Variants in CNNM4 observed in about 807,000 individuals in gnomAD.
CNNM4 encodes cyclin and CBS domain divalent metal cation transport mediator 4.
In CNNM4, 32 loss-of-function variants were observed where a neutral mutation model predicts 53.7. The observed-to-expected ratio is 0.60, with a 90% CI of 0.45 to 0.80. The LOEUF is 0.80. Among genes scored for constraint, CNNM4 ranks in the 30% least tolerant of loss-of-function variants. CNNM4 has a pLI of 0.00. For missense variants in CNNM4, 784 were observed against 1,022.0 expected (o/e 0.77, Z 3.17); for synonymous variants, 410 against 440.0 (o/e 0.93, Z 0.85).
chr2:96,789,683 TTTTA>T (rs1374506021), intron 1 of CNNM4, among the ~76,000 whole-genome samples: 3 of 151,992 alleles, frequency 2.0e-5, no homozygotes, highest in African/African-American at 7.2e-5. Context: ...TAGAATTTTA[TTTTA>T]TTTTATTAGT....
chr2:96,782,372 A>G (rs2078982226), intron 1 of CNNM4, among the ~76,000 whole-genome samples: 1 of 150,640 alleles, frequency 6.6e-6, no homozygotes, highest in Non-Finnish European at 1.5e-5. Flanking sequence ...AGATTGCACC[A>G]TTGCACTCTA....
chr2:96,785,658 G>C lies in CNNM4; in HGVS notation c.1403-11354G>C. Among the ~76,000 whole-genome samples the C allele has an allele frequency of 1.3e-5, 2 of 151,296 alleles. 1 individual carries two copies. Among genetic ancestry groups the C allele is most frequent in the Middle Eastern group, 6.4e-3 (2 of 312 alleles). ...CAAAAAAGAAAACATAAAAAAATTA[G>C]CTGGGCGTGGTAGCATGTGCCGGTA... On this transcript the variant is annotated intron_variant, in intron 1 of 6. Transcript: ENST00000377075.
intron 1 of CNNM4, among the ~76,000 whole-genome samples, chr2:96,782,247 A>G (rs1252187448): frequency 6.6e-6 from 1 of 151,998 alleles, no homozygotes; most frequent in Non-Finnish European, 1.5e-5. Flanking sequence ...CCCTGTCTTT[A>G]CTGAAAATAA....
chr2:96,809,595 T>A lies in CNNM4; in HGVS notation c.*78T>A, dbSNP rs2079240152. On this transcript the variant is annotated 3_prime_UTR_variant, in exon 7 of 7. Transcript: ENST00000377075. Reference sequence around the variant, plus strand: ...CACATGAAGAGAGGGAACCTGTTAGTCCAGAAAGGATACGGATAGATAGCC... The same window carrying A: ...CACATGAAGAGAGGGAACCTGTTAGACCAGAAAGGATACGGATAGATAGCC... The A allele has an allele frequency of 7.7e-7, 1 of 1,302,672 alleles. No individual in the cohort carries two copies. 80.7% of individuals were successfully genotyped at this position (1,302,672 alleles called of 1,614,324 possible).
At position 96,761,061 on chromosome 2, in the gene CNNM4, T is replaced by C; in HGVS notation, c.62T>C (p.Leu21Pro). ...VGGPARGRLL[L>P]AAPVLLVLLW... is the part of the protein sequence containing the mutation. ...GGACCGGCCCGCGGGCGCCTCCTCC[T>C]GGCGGCGCCGGTGCTGCTGGTGCTG... Residue 21 changes from leucine to proline, a missense_variant, in exon 1 of 7, where the codon CTG (leucine) becomes CCG (proline). Leu to Pro is a moderately conservative substitution (Grantham distance 98). This residue lies in a region of CNNM4 where 473 missense variants were observed against 624.6 expected (regional missense o/e 0.76). Transcript: ENST00000377075. The surrounding 1 kb of genome is among the most constrained non-coding windows in gnomAD (Gnocchi z 6.0). The C allele has an allele frequency of 1.0e-5, 13 of 1,259,446 alleles. No homozygotes were observed. The highest frequency in any genetic ancestry group is 1.2e-5 in the Non-Finnish European group (12 of 998,604). The allele number at this position is 1,259,446 out of a possible 1,614,324, so 78.0% of individuals were successfully genotyped here.
chr2:96,788,305 C>T (rs1287037882), intron 1 of CNNM4, among the ~76,000 whole-genome samples: 9 of 148,848 alleles, frequency 6.0e-5, no homozygotes, highest in Non-Finnish European at 4.4e-5. Flanking sequence ...CAGAGTCTAG[C>T]GAGTATAGAG....
intron 1 of CNNM4, among the ~76,000 whole-genome samples, chr2:96,766,510 T>G (rs2078820510): frequency 6.6e-6 from 1 of 152,178 alleles, no homozygotes; most frequent in African/African-American, 2.4e-5. Context: ...CAGTGGGGCC[T>G]TCTTGCCACC....
rs2079258894 is a variant in CNNM4, at chr2:96,811,667, A to G, written c.*2150A>G. 6.6e-6 allele frequency: 1 copy of G among 152,578 alleles called. No individual in the cohort carries two copies. Among genetic ancestry groups the G allele is most frequent in the Non-Finnish European group, 1.5e-5 (1 of 68,042 alleles). The allele number at this position is 152,578 out of a possible 1,614,324, so 9.5% of individuals were successfully genotyped here. A position where few individuals can be genotyped will look rare whatever the true frequency, so the allele number is the denominator to read the frequency against. ...GGGAGACCTTTGCAAAGGGCATCCA[A>G]ATGGGTAGGCAGGTGACAGCCGCCG... On this transcript the variant is annotated 3_prime_UTR_variant, in exon 7 of 7. Coordinates refer to ENST00000377075, the MANE Select transcript of CNNM4 (RefSeq NM_020184.4).
intron 5 of CNNM4, among the ~76,000 whole-genome samples, chr2:96,806,507 A>ACG (rs1491179554): frequency 1.3e-5 from 1 of 75,578 alleles, no homozygotes; most frequent in Non-Finnish European, 2.4e-5. Context: ...TAGCTATCCA[A>ACG]CACACACACA....
intron 1 of CNNM4, among the ~76,000 whole-genome samples, chr2:96,765,864 G>A (rs1208943804): frequency 2.7e-5 from 4 of 148,584 alleles, no homozygotes; most frequent in South Asian, 4.2e-4. Context: ...GCACCATCTC[G>A]GCTCACTGCA....
At chr2:96,768,038 G>C (rs1250273457) in intron 1 of CNNM4, among the ~76,000 whole-genome samples, 2 of 152,174 alleles carry the variant, frequency 1.3e-5, no homozygotes, top group Non-Finnish European at 2.9e-5. Context: ...ACTCCAGCCT[G>C]GGCGATAGAG....
At chr2:96,809,051 A>G (rs867658390) in intron 6 of CNNM4, among the ~76,000 whole-genome samples, 35 of 149,814 alleles carry the variant, frequency 2.3e-4, no homozygotes, top group African/African-American at 7.9e-4. Flanking sequence ...TGTGTTGCCC[A>G]AGTTGGCTTG....
chr2:96,798,665 TCTATATA>T (rs879702393), intron 3 of CNNM4, among the ~76,000 whole-genome samples: 171 of 152,218 alleles, frequency 1.1e-3, no homozygotes, highest in Non-Finnish European at 2.1e-3. Flanking sequence ...ATAATTATAG[TCTATATA>T]TTTTAGTATA....
intron 1 of CNNM4, among the ~76,000 whole-genome samples, chr2:96,765,368 CACCCGCCTT>C (rs1418996967): frequency 6.6e-6 from 1 of 151,846 alleles, no homozygotes; most frequent in African/African-American, 2.4e-5. Context: ...TCAGGTGATC[CACCCGCCTT>C]GGCCTCCCAA....
chr2:96,809,430 T>C lies in CNNM4; in HGVS notation c.2241T>C (p.Ser747=). 6.2e-7 allele frequency: 1 copy of C among 1,614,200 alleles called. No individual in the cohort carries two copies. Among genetic ancestry groups the C allele is most frequent in the Non-Finnish European group, 8.5e-7 (1 of 1,180,030 alleles). ...ACATGGAGAACTTGGCCGAGAAGTC[T>C]GAGCTGCCTGTGGTGGACGAGACCA... The part of the protein sequence containing the change: ...TTHMENLAEK[S]ELPVVDETTT... Residue 747 remains serine (S), a synonymous_variant, in exon 7 of 7, where the codon TCT becomes TCC. Transcript: ENST00000377075.
chr2:96,805,942 C>T (rs907236792), intron 5 of CNNM4, among the ~76,000 whole-genome samples: 37 of 152,004 alleles, frequency 2.4e-4, no homozygotes, highest in Non-Finnish European at 3.2e-4. Flanking sequence ...CATCCTGGCC[C>T]GTTCTCAATG....
At chr2:96,777,870 C>CTT (rs1006210967) in intron 1 of CNNM4, among the ~76,000 whole-genome samples, 5 of 143,680 alleles carry the variant, frequency 3.5e-5, no homozygotes, top group Admixed American at 7.0e-5. Context: ...AACTCTCTGC[C>CTT]TTTTTTTTTT....
At chr2:96,796,946 T>G in intron 1 of CNNM4, 66 bp from the exon 2 acceptor site, 1 of 1,547,876 alleles carries the variant, frequency 6.5e-7, no homozygotes, top group Non-Finnish European at 8.9e-7. Flanking sequence ...AGAGTTAATG[T>G]TTTGGTTGAG....
chr2:96,770,419 C>T (rs1038771370), intron 1 of CNNM4, among the ~76,000 whole-genome samples: 1 of 152,176 alleles, frequency 6.6e-6, no homozygotes, highest in Admixed American at 6.5e-5. Flanking sequence ...AAGGGGAGGC[C>T]TGTCTCGTAA....
Sources: allele counts gnomAD v4.1 joint callset (sites outside exome capture counted in the v4.1 genomes callset), GRCh38; gene constraint gnomAD v4.1.1; regional missense constraint gnomAD v4.1.1; non-coding constraint Gnocchi (gnomAD v3.1); transcripts MANE v1.5; gene names NCBI Gene and HGNC (gene_info 2026-07-23, HGNC 2026-07-21).